The following RREB1 variants were observed in gnomAD, a reference collection of about 807,000 sequenced individuals.
The protein encoded by RREB1 is ras-responsive element-binding protein 1.
Under a neutral mutation model 117.8 loss-of-function variants are expected in RREB1, and 27 were observed. The observed-to-expected ratio is 0.23, with a 90% CI of 0.17 to 0.32. The LOEUF (loss-of-function observed/expected upper bound fraction) is 0.32. Ranked by LOEUF, RREB1 falls within the 10% of genes least tolerant of loss-of-function variation. The probability of loss-of-function intolerance (pLI) is 1.00; values close to 1 mark genes in which losing one functional copy is unlikely to be tolerated. For missense variants in RREB1, 2,577 were observed against 2,378.2 expected, an observed-to-expected ratio of 1.08 and a Z score of -1.74; for synonymous variants, 1,298 against 1,026.7, an observed-to-expected ratio of 1.26 and a Z score of -5.05.
Position 7,249,025 on chromosome 6 carries a change from C to T in RREB1, c.*57C>T. On this transcript the variant is annotated 3_prime_UTR_variant, in exon 13 of 13. Coordinates refer to ENST00000379938, the MANE Select transcript of RREB1 (RefSeq NM_001003699.4). ...CCAGCAGAGCAAAGCGTCTATACTT[C>T]ATGGGGTTTCCTCAGTGCCCTTTGG... is the stretch of plus-strand genomic sequence containing the variant. 1 of 1,323,072 alleles carries T rather than the reference C, an allele frequency of 7.6e-7. No homozygotes were observed. 82.0% of individuals were successfully genotyped at this position (1,323,072 alleles called of 1,614,324 possible).
At chr6:7,243,402 A>C (rs567569514) in intron 11 of RREB1, among the ~76,000 whole-genome samples, 3 of 152,322 alleles carry the variant, frequency 2.0e-5, no homozygotes, top group African/African-American at 7.2e-5. Context: ...TTGTTGAACA[A>C]CACAAACCGA....
intron 1 of RREB1, among the ~76,000 whole-genome samples, chr6:7,171,806 G>T (rs562716337): frequency 3.3e-5 from 5 of 152,292 alleles, no homozygotes; most frequent in African/African-American, 9.6e-5. Context: ...GGTCAGGAGA[G>T]GGGTGCAGGC....
intron 8 of RREB1, among the ~76,000 whole-genome samples, chr6:7,220,529 A>G (rs1309861932): frequency 6.6e-6 from 1 of 152,236 alleles, no homozygotes; most frequent in Non-Finnish European, 1.5e-5. Context: ...AATTCTACAA[A>G]GAGATACACT....
chr6:7,248,413 G>T, intron 12 of RREB1, 98 bp from the exon 13 acceptor site: 2 of 1,049,030 alleles, frequency 1.9e-6, no homozygotes, highest in East Asian at 2.4e-5. Flanking sequence ...CTGGCCCCCC[G>T]CACATAGCCT....
intron 6 of RREB1, among the ~76,000 whole-genome samples, chr6:7,196,535 T>C (rs1765689370): frequency 6.6e-6 from 1 of 152,158 alleles, no homozygotes; most frequent in African/African-American, 2.4e-5. Flanking sequence ...TGTGTAGTCA[T>C]TGACAGTTGC....
At chr6:7,174,976 A>G (rs1193364686) in intron 1 of RREB1, among the ~76,000 whole-genome samples, 1 of 152,116 alleles carries the variant, frequency 6.6e-6, no homozygotes, top group Non-Finnish European at 1.5e-5. Context: ...TTTATTAATT[A>G]TGAGTAAAAC....
chr6:7,168,725 A>C (rs1764074750), intron 1 of RREB1, among the ~76,000 whole-genome samples: 1 of 152,094 alleles, frequency 6.6e-6, no homozygotes. Context: ...TCTGTTAGCC[A>C]TTTCCAGTTT....
chr6:7,196,701 A>T (rs1765696137), intron 6 of RREB1, among the ~76,000 whole-genome samples: 1 of 152,162 alleles, frequency 6.6e-6, no homozygotes, highest in African/African-American at 2.4e-5. Flanking sequence ...AGACCTTTTT[A>T]ATTTATTACT....
chr6:7,152,621 G>C (rs1019396038), intron 1 of RREB1, among the ~76,000 whole-genome samples: 1 of 152,106 alleles, frequency 6.6e-6, no homozygotes, highest in African/African-American at 2.4e-5. Context: ...AGTACCTAAA[G>C]AGATGGAATG....
intron 10 of RREB1, among the ~76,000 whole-genome samples, chr6:7,235,324 G>A (rs1399321679): frequency 1.3e-5 from 2 of 152,208 alleles, no homozygotes; most frequent in Admixed American, 6.5e-5. Context: ...CAGCTCTGCT[G>A]TCACTCAGAA....
At chr6:7,167,635 A>ACAGGAATTTTTTT (rs1764015726) in intron 1 of RREB1, among the ~76,000 whole-genome samples, 1 of 152,154 alleles carries the variant, frequency 6.6e-6, no homozygotes, top group African/African-American at 2.4e-5. Flanking sequence ...CCGGCCGGGG[A>ACAGGAATTTTTTT]CAGGAATTTT....
chr6:7,124,103 G>A (rs1021997779), intron 1 of RREB1, among the ~76,000 whole-genome samples: 1 of 152,188 alleles, frequency 6.6e-6, no homozygotes, highest in Non-Finnish European at 1.5e-5. Flanking sequence ...CTCTGGGACC[G>A]GGGTGGTCAC....
rs556216158 is a variant in RREB1, at chr6:7,153,003, A to G, written c.-284-23652A>G. Among the ~76,000 whole-genome samples, 4 of 151,630 alleles carry G rather than the reference A, an allele frequency of 2.6e-5. No homozygotes were observed. In the South Asian group the frequency reaches 8.3e-4, roughly 32 times the overall value. On this transcript the variant is annotated intron_variant, in intron 1 of 12. Transcript: ENST00000379938. ...CAATTCTTTTAATTTTGTGTATTTC[A>G]TGAATTTTGTAGTCTTAAGTTGTTA...
At chr6:7,143,044 G>T (rs927442160) in intron 1 of RREB1, among the ~76,000 whole-genome samples, 4 of 152,134 alleles carry the variant, frequency 2.6e-5, no homozygotes, top group Non-Finnish European at 5.9e-5. Flanking sequence ...TTGGAAACTT[G>T]TCTTGAGACA....
At chr6:7,207,056 G>C (rs1561780791) in intron 6 of RREB1, among the ~76,000 whole-genome samples, 1 of 152,188 alleles carries the variant, frequency 6.6e-6, no homozygotes, top group African/African-American at 2.4e-5. Context: ...CTGGCTGCTG[G>C]ATAGAAAATG....
intron 1 of RREB1, among the ~76,000 whole-genome samples, chr6:7,166,188 G>A (rs1181872872): frequency 6.6e-6 from 1 of 151,784 alleles, no homozygotes; most frequent in African/African-American, 2.4e-5. Flanking sequence ...CCCTGGCCTT[G>A]GCCCCCTCCT....
At chr6:7,140,061 C>T (rs1217550711) in intron 1 of RREB1, among the ~76,000 whole-genome samples, 1 of 152,156 alleles carries the variant, frequency 6.6e-6, no homozygotes, top group African/African-American at 2.4e-5. Context: ...TCCAAGGTCA[C>T]ATGGATTTTG....
intron 1 of RREB1, among the ~76,000 whole-genome samples, chr6:7,108,895 C>A (rs1157256585): frequency 6.6e-6 from 1 of 151,654 alleles, no homozygotes; most frequent in East Asian, 2.0e-4. Flanking sequence ...CCGACCACCG[C>A]CCCGGGGGGC....
In RREB1 at chr6:7,175,566, G is replaced by A. The variant is rs377124801; in HGVS notation, c.-284-1089G>A. Among the ~76,000 whole-genome samples, 35 of 152,274 alleles carry A rather than the reference G, an allele frequency of 2.3e-4. No homozygotes were observed. The South Asian group carries it at 4.6e-3, about 20-fold the overall frequency. Reference sequence around the variant, plus strand: ...AGTTGTTTCTCGCCCGGTGTTGTCCGTGTGGGGTTTATTTTACCTCTGAGT... The same window carrying A: ...AGTTGTTTCTCGCCCGGTGTTGTCCATGTGGGGTTTATTTTACCTCTGAGT... On this transcript the variant is annotated intron_variant, in intron 1 of 12. Coordinates refer to ENST00000379938, the MANE Select transcript of RREB1 (RefSeq NM_001003699.4).
Sources: gnomAD v4.1 joint callset for allele counts (sites outside exome capture counted in the v4.1 genomes callset) on GRCh38, gnomAD v4.1.1 for gene constraint, MANE v1.5 for transcripts, NCBI Gene and HGNC (gene_info 2026-07-23, HGNC 2026-07-21) for gene names.